Variants in POU6F2 observed in about 807,000 individuals in gnomAD.
The protein encoded by POU6F2 is POU domain, class 6, transcription factor 2.
Under a neutral mutation model 71.3 loss-of-function variants are expected in POU6F2, and 31 were observed. The observed-to-expected ratio is 0.43, with a 90% confidence interval of 0.33 to 0.59. The LOEUF (loss-of-function observed/expected upper bound fraction) is 0.59. POU6F2 is among the 20% of genes least tolerant of loss of function. The pLI is 0.04. For synonymous variants in POU6F2, 347 were observed against 355.7 expected (o/e 0.98, Z 0.27); for missense variants, 783 against 856.8 (o/e 0.91, Z 1.07).
At position 39,460,665 on chromosome 7, in the gene POU6F2, G is replaced by T; in HGVS notation, c.1608G>T (p.Gln536His). 1 of 1,608,272 alleles carries T rather than the reference G, an allele frequency of 6.2e-7. No homozygotes were observed. Among genetic ancestry groups the T allele is most frequent in the South Asian group, 1.1e-5 (1 of 89,848 alleles). Reference sequence around the variant, plus strand: ...GCCTGACCCAGACTCAGGTGGGACAGGCTCTCAGTGCTACAGAGGGCCCCG... The same window carrying T: ...GCCTGACCCAGACTCAGGTGGGACATGCTCTCAGTGCTACAGAGGGCCCCG... ...SLGLTQTQVG[Q>H]ALSATEGPAY... is the part of the protein sequence containing the mutation. The change falls in exon 9 of 10, where the codon CAG (glutamine) becomes CAT (histidine). Residue 536 changes from glutamine (Q) to histidine (H), a missense_variant. Gln to His is a conservative substitution (Grantham distance 24). Around this residue, in one of 2 missense-constraint regions of POU6F2, gnomAD observed 211 missense variants for 283.9 expected, o/e 0.74. Coordinates refer to ENST00000518318, the MANE Select transcript of POU6F2 (RefSeq NM_001370959.1). This position sits in a 1 kb window ranked among gnomAD's most constrained non-coding sequence, Gnocchi z 4.4.
chr7:39,317,379 G>A (rs1012572891), intron 4 of POU6F2, among the ~76,000 whole-genome samples: 2 of 152,206 alleles, frequency 1.3e-5, no homozygotes, highest in African/African-American at 2.4e-5. Context: ...CATAGTCCAC[G>A]TTGGCTTGGA....
intron 1 of POU6F2, among the ~76,000 whole-genome samples, chr7:39,068,372 A>G (rs1790803924): frequency 6.6e-6 from 1 of 152,100 alleles, no homozygotes; most frequent in Non-Finnish European, 1.5e-5. Context: ...TAGGCCCTTA[A>G]TAAATATTTA....
chr7:39,456,444 C>T (rs753931604), intron 8 of POU6F2, among the ~76,000 whole-genome samples: 19 of 152,272 alleles, frequency 1.2e-4, no homozygotes, highest in Admixed American at 7.8e-4. Context: ...CCCAGTGAAA[C>T]AACCTCAAGA....
At chr7:38,997,073 A>G (rs1187126305) in intron 1 of POU6F2, among the ~76,000 whole-genome samples, 1 of 152,306 alleles carries the variant, frequency 6.6e-6, no homozygotes, top group Admixed American at 6.5e-5. Flanking sequence ...ATTTAACTTC[A>G]GAAGCCCCAA....
chr7:39,372,340 G>A (rs1786631169), intron 5 of POU6F2, among the ~76,000 whole-genome samples: 1 of 152,206 alleles, frequency 6.6e-6, no homozygotes, highest in Non-Finnish European at 1.5e-5. Flanking sequence ...TTACTAATGA[G>A]AAGAATGGAA....
chr7:39,429,275 C>G (rs1474154015), intron 6 of POU6F2, among the ~76,000 whole-genome samples: 1 of 152,104 alleles, frequency 6.6e-6, no homozygotes, highest in Non-Finnish European at 1.5e-5. Context: ...CTCTGCCTTC[C>G]CCAAATCGTA....
intron 4 of POU6F2, among the ~76,000 whole-genome samples, chr7:39,269,519 G>A (rs1030553056): frequency 2.0e-5 from 3 of 152,238 alleles, no homozygotes; most frequent in Non-Finnish European, 4.4e-5. Flanking sequence ...CTGACAAGCT[G>A]GATAGTTGAG....
At chr7:39,119,649 G>T (rs1792002029) in intron 2 of POU6F2, among the ~76,000 whole-genome samples, 1 of 152,136 alleles carries the variant, frequency 6.6e-6, no homozygotes, top group Non-Finnish European at 1.5e-5. Context: ...GAGTGAGGAA[G>T]GATTGGGCAA....
In POU6F2 at chr7:39,406,587, T is replaced by G; in HGVS notation, c.973-13T>G. On this transcript the variant is annotated splice_polypyrimidine_tract_variant and intron_variant, in intron 5 of 9. Coordinates refer to ENST00000518318, the MANE Select transcript of POU6F2 (RefSeq NM_001370959.1). ...CTCGGTGGTTTTCACGGTGATCTTT[T>G]CTCTCTTTGCAGCTGGTTAATAATC... The G allele has an allele frequency of 6.2e-7, 1 of 1,606,968 alleles. No individual in the cohort carries two copies. Among genetic ancestry groups the G allele is most frequent in the Non-Finnish European group, 8.5e-7 (1 of 1,176,904 alleles).
At chr7:39,421,789 T>G (rs1194420411) in intron 6 of POU6F2, among the ~76,000 whole-genome samples, 1 of 152,190 alleles carries the variant, frequency 6.6e-6, no homozygotes, top group Non-Finnish European at 1.5e-5. Context: ...TAATGGTTTA[T>G]TTAGGAATGT....
chr7:39,108,683 A>G (rs1349941057), intron 2 of POU6F2, among the ~76,000 whole-genome samples: 1 of 152,198 alleles, frequency 6.6e-6, no homozygotes, highest in African/African-American at 2.4e-5. Context: ...TTGTTACTAC[A>G]CTAACCATAT....
intron 2 of POU6F2, among the ~76,000 whole-genome samples, chr7:39,152,346 G>A (rs1049276223): frequency 1.3e-5 from 2 of 152,066 alleles, no homozygotes; most frequent in Non-Finnish European, 2.9e-5. Context: ...TTACTGGGCT[G>A]GAAAAAACCT....
chr7:39,416,222 A>G (rs2115938396), intron 6 of POU6F2, among the ~76,000 whole-genome samples: 2 of 152,232 alleles, frequency 1.3e-5, no homozygotes, highest in Middle Eastern at 6.8e-3. Flanking sequence ...TATTTTTGCT[A>G]ATCAAAGAAA....
chr7:39,439,733 C>T (rs1019736352), intron 7 of POU6F2, among the ~76,000 whole-genome samples: 40 of 152,198 alleles, frequency 2.6e-4, no homozygotes, highest in African/African-American at 9.6e-4. Context: ...AGGTGATCCA[C>T]CCACCTCAGC....
At chr7:39,055,639 G>GT (rs200402668) in intron 1 of POU6F2, among the ~76,000 whole-genome samples, 219 of 151,312 alleles carry the variant, frequency 1.4e-3, no homozygotes, top group African/African-American at 5.0e-3. Flanking sequence ...TTTTTGTCTA[G>GT]TTTTTTTTCA....
intron 1 of POU6F2, among the ~76,000 whole-genome samples, chr7:39,010,945 T>C (rs1208135008): frequency 2.0e-5 from 3 of 150,846 alleles, no homozygotes; most frequent in Non-Finnish European, 4.4e-5. Flanking sequence ...TACTTCCAAG[T>C]ATGTGGTCAA....
intron 5 of POU6F2, among the ~76,000 whole-genome samples, chr7:39,402,745 T>C (rs1787332548): frequency 6.6e-6 from 1 of 152,000 alleles, no homozygotes; most frequent in Admixed American, 6.6e-5. Context: ...TAAAATACTT[T>C]TACACATTCT....
intron 2 of POU6F2, among the ~76,000 whole-genome samples, chr7:39,184,491 G>A (rs1793493350): frequency 6.6e-6 from 1 of 152,172 alleles, no homozygotes; most frequent in Non-Finnish European, 1.5e-5. Context: ...TGAATTACCA[G>A]CTTCTCAACA....
chr7:39,308,426 C>G (rs1785088916), intron 4 of POU6F2, among the ~76,000 whole-genome samples: 1 of 152,158 alleles, frequency 6.6e-6, no homozygotes, highest in African/African-American at 2.4e-5. Context: ...CCATGAGGGG[C>G]CCTGGGACGT....
Sources: gnomAD v4.1 joint callset for allele counts (sites outside exome capture counted in the v4.1 genomes callset) on GRCh38, gnomAD v4.1.1 for gene constraint, gnomAD v4.1.1 regional missense constraint, Gnocchi (gnomAD v3.1) non-coding constraint, MANE v1.5 for transcripts, NCBI Gene and HGNC (gene_info 2026-07-23, HGNC 2026-07-21) for gene names.